Variants in CDC42BPA observed in about 807,000 individuals in gnomAD.
The protein encoded by CDC42BPA is serine/threonine-protein kinase MRCK alpha.
In CDC42BPA, 80 loss-of-function variants were observed where a neutral mutation model predicts 223.5. That is an observed-to-expected ratio of 0.36 (90% CI 0.30 to 0.43). The LOEUF (loss-of-function observed/expected upper bound fraction) is 0.43. Ranked by LOEUF, CDC42BPA falls within the 20% of genes least tolerant of loss-of-function variation. The pLI, the probability that CDC42BPA is intolerant of heterozygous loss-of-function variation, is 1.00. For missense variants in CDC42BPA, 1,743 were observed against 2,099.9 expected, an observed-to-expected ratio of 0.83 and a Z score of 3.32; for synonymous variants, 694 against 718.6, an observed-to-expected ratio of 0.97 and a Z score of 0.55.
chr1:227,288,728 C>T (rs1382786583), intron 1 of CDC42BPA, among the ~76,000 whole-genome samples: 1 of 152,042 alleles, frequency 6.6e-6, no homozygotes, highest in Non-Finnish European at 1.5e-5. Context: ...GGTGTGGTGG[C>T]TCATGCCTGC....
At chr1:227,288,937 T>C (rs1224517553) in intron 1 of CDC42BPA, among the ~76,000 whole-genome samples, 2 of 152,086 alleles carry the variant, frequency 1.3e-5, no homozygotes, top group African/African-American at 4.8e-5. Flanking sequence ...GAGGCTGCAG[T>C]GGGGAGAGAT....
At chr1:227,214,737 C>T (rs1674530366) in intron 2 of CDC42BPA, among the ~76,000 whole-genome samples, 1 of 152,102 alleles carries the variant, frequency 6.6e-6, no homozygotes, top group Admixed American at 6.6e-5. Flanking sequence ...CTTCCCCTCC[C>T]AAGGTCACAG....
At chr1:227,117,264 TAAAG>T (rs764818270) in intron 12 of CDC42BPA, among the ~76,000 whole-genome samples, 2 of 152,108 alleles carry the variant, frequency 1.3e-5, no homozygotes, top group African/African-American at 2.4e-5. Flanking sequence ...AGTAAGAACT[TAAAG>T]ACAATATTGT....
intron 17 of CDC42BPA, among the ~76,000 whole-genome samples, chr1:227,078,261 C>T (rs1034358977): frequency 2.0e-5 from 3 of 152,240 alleles, no homozygotes; most frequent in East Asian, 1.9e-4. Context: ...TTTCTCAACA[C>T]TACATTCTTA....
At chr1:227,133,445 G>C (rs901158609) in intron 10 of CDC42BPA, among the ~76,000 whole-genome samples, 12 of 152,280 alleles carry the variant, frequency 7.9e-5, no homozygotes, top group East Asian at 5.8e-4. Context: ...GCCCGGCCAC[G>C]ACCCCATCTG....
Position 227,072,308 on chromosome 1 carries a change from A to G in CDC42BPA, c.2736-9T>C, listed in dbSNP as rs781414337. ...CTGAATCTTTTAGTTTACTTAAATA[A>G]GGAGAAAAAAGGAAAAATGTCATTA... On this transcript the variant is annotated splice_polypyrimidine_tract_variant and intron_variant, in intron 19 of 36. Transcript: ENST00000366766. The G allele has an allele frequency of 1.4e-6, 2 of 1,467,896 alleles. No individual in the cohort carries two copies. The highest frequency in any genetic ancestry group is 2.3e-5 in the South Asian group (2 of 86,340). 90.9% of individuals were successfully genotyped at this position (1,467,896 alleles called of 1,614,324 possible).
intron 17 of CDC42BPA, among the ~76,000 whole-genome samples, chr1:227,080,395 AAG>A (rs1158259605): frequency 6.6e-6 from 1 of 152,152 alleles, no homozygotes; most frequent in Non-Finnish European, 1.5e-5. Flanking sequence ...GAGCTTAAGA[AAG>A]AGCTGATAAA....
chr1:227,317,203 G>A lies in CDC42BPA; in HGVS notation c.-21C>T, dbSNP rs755529714. The stretch of plus-strand genomic sequence containing the variant: ...GACATGTTTGCTTCGATTTCTGCTG[G>A]TTTTCCTTTAAATTATTATGATGAC... On this transcript the variant is annotated 5_prime_UTR_variant, in exon 1 of 37. Coordinates refer to ENST00000366766, the MANE Select transcript of CDC42BPA (RefSeq NM_001394014.1). 13 of 1,587,464 alleles carry A rather than the reference G, an allele frequency of 8.2e-6. No individual in the cohort carries two copies.
At chr1:227,133,165 AC>A (rs1398204573) in intron 10 of CDC42BPA, among the ~76,000 whole-genome samples, 1 of 143,616 alleles carries the variant, frequency 7.0e-6, no homozygotes, top group Non-Finnish European at 1.5e-5. Context: ...CCTACTGGGA[AC>A]TGAGGAACCC....
chr1:227,302,189 T>A (rs773620050), intron 1 of CDC42BPA, among the ~76,000 whole-genome samples: 1 of 152,200 alleles, frequency 6.6e-6, no homozygotes, highest in African/African-American at 2.4e-5. Flanking sequence ...TGTTACTTCC[T>A]CATCTTCATT....
chr1:227,260,929 C>G (rs1450382292), intron 1 of CDC42BPA, among the ~76,000 whole-genome samples: 3 of 150,772 alleles, frequency 2.0e-5, no homozygotes, highest in African/African-American at 7.5e-5. Flanking sequence ...ATCAATTATG[C>G]CAGGCTCTGT....
rs1057147196 is a variant in CDC42BPA at position 227,129,032 on chromosome 1, A to G, written c.1513+77T>C. ...ATCACATAACACAGACAGGTTCTCA[A>G]TAGATGTTTTTTGTGTGAATAAACC... On this transcript the variant is annotated intron_variant, in intron 11 of 36. Coordinates refer to ENST00000366766, the MANE Select transcript of CDC42BPA (RefSeq NM_001394014.1). 6.1e-6 allele frequency: 6 copies of G among 978,400 alleles called. No homozygotes were observed. In the Admixed American group the frequency reaches 9.2e-5, roughly 15 times the overall value. The allele number at this position is 978,400 out of a possible 1,614,324, so 60.6% of individuals were successfully genotyped here.
intron 1 of CDC42BPA, among the ~76,000 whole-genome samples, chr1:227,316,802 A>C (rs965936398): frequency 6.6e-6 from 1 of 152,204 alleles, no homozygotes; most frequent in African/African-American, 2.4e-5. Context: ...TAGGCCTTAA[A>C]TCAAGGCAAC....
intron 12 of CDC42BPA, among the ~76,000 whole-genome samples, chr1:227,118,583 C>T (rs1688130967): frequency 6.6e-6 from 1 of 151,744 alleles, no homozygotes; most frequent in African/African-American, 2.4e-5. Context: ...CCACCTGTCA[C>T]TATAAATCTA....
At chr1:227,187,126 C>T (rs1668899882) in intron 5 of CDC42BPA, among the ~76,000 whole-genome samples, 2 of 152,150 alleles carry the variant, frequency 1.3e-5, no homozygotes, top group African/African-American at 4.8e-5. Context: ...AGGTTAACAA[C>T]ATCATATCTG....
intron 23 of CDC42BPA, among the ~76,000 whole-genome samples, chr1:227,040,911 C>T (rs915208939): frequency 3.9e-5 from 6 of 152,094 alleles, no homozygotes; most frequent in African/African-American, 7.2e-5. Context: ...TGGAATATTC[C>T]TTTGTTTTCC....
chr1:227,238,135 T>C (rs1474096256), intron 2 of CDC42BPA, among the ~76,000 whole-genome samples: 1 of 151,102 alleles, frequency 6.6e-6, no homozygotes, highest in Non-Finnish European at 1.5e-5. Context: ...GGAGGATCAC[T>C]TGAGGCCAGG....
At chr1:227,186,179 G>A (rs1668745143) in intron 5 of CDC42BPA, among the ~76,000 whole-genome samples, 1 of 152,168 alleles carries the variant, frequency 6.6e-6, no homozygotes, top group Admixed American at 6.5e-5. Context: ...TCCAAAGGCA[G>A]CCCAGTCATA....
intron 5 of CDC42BPA, among the ~76,000 whole-genome samples, chr1:227,176,644 T>C (rs1051894896): frequency 2.0e-5 from 3 of 152,162 alleles, no homozygotes; most frequent in African/African-American, 4.8e-5. Context: ...CCAGTCCTTA[T>C]ACTGATATCT....
Sources: allele counts gnomAD v4.1 joint callset (sites outside exome capture counted in the v4.1 genomes callset), GRCh38; gene constraint gnomAD v4.1.1; transcripts MANE v1.5; gene names NCBI Gene and HGNC (gene_info 2026-07-23, HGNC 2026-07-21).